IGF1R: variants seen among roughly 807,000 people sequenced by gnomAD.
IGF1R encodes the protein insulin-like growth factor 1 receptor.
A neutral mutation model predicts 144.6 loss-of-function variants in IGF1R; 44 were observed. That is an observed-to-expected ratio of 0.30 (90% confidence interval 0.24 to 0.39). The LOEUF is 0.39. Among genes scored for constraint, IGF1R ranks in the 10% least tolerant of loss-of-function variants. IGF1R has a pLI of 1.00. For synonymous variants in IGF1R, 795 were observed against 722.8 expected, an observed-to-expected ratio of 1.10 and a Z score of -1.60; for missense variants, 1,355 against 1,833.7, an observed-to-expected ratio of 0.74 and a Z score of 4.77.
rs529343912 is a variant in IGF1R, at chr15:98,822,674, C to T, written c.641-68651C>T. Reference sequence around the variant, plus strand: ...CTGAACACACAAAATTAATCGTGCTCGAACTCTCCAAATTTTGTGAGTTCC... The same window carrying T: ...CTGAACACACAAAATTAATCGTGCTTGAACTCTCCAAATTTTGTGAGTTCC... On this transcript the variant is annotated intron_variant, in intron 2 of 20. Coordinates refer to ENST00000650285, the MANE Select transcript of IGF1R (RefSeq NM_000875.5). Among the ~76,000 whole-genome samples the T allele has an allele frequency of 3.9e-5, 6 of 152,214 alleles. No homozygotes were observed. In the East Asian group the frequency reaches 9.7e-4, roughly 25 times the overall value.
chr15:98,657,676 G>T (rs901004160), intron 1 of IGF1R, among the ~76,000 whole-genome samples: 9 of 152,218 alleles, frequency 5.9e-5, no homozygotes, highest in Non-Finnish European at 1.3e-4. Context: ...ATATCGTGTA[G>T]TCGTAGGTAC....
chr15:98,797,605 A>G (rs2056275309), intron 2 of IGF1R, among the ~76,000 whole-genome samples: 1 of 152,106 alleles, frequency 6.6e-6, no homozygotes, highest in Non-Finnish European at 1.5e-5. Flanking sequence ...CCTGCAGGGT[A>G]TGTGTCATCT....
intron 5 of IGF1R, among the ~76,000 whole-genome samples, chr15:98,905,289 A>C (rs1248972661): frequency 6.6e-6 from 1 of 152,170 alleles, no homozygotes; most frequent in African/African-American, 2.4e-5. Flanking sequence ...TTTTTACAAC[A>C]TAGAGAAGGC....
At chr15:98,768,300 G>A (rs1475153942) in intron 2 of IGF1R, among the ~76,000 whole-genome samples, 2 of 152,142 alleles carry the variant, frequency 1.3e-5, no homozygotes, top group Non-Finnish European at 2.9e-5. Flanking sequence ...CATTGTGCAA[G>A]AGGTATCAAA....
rs987303175 is a variant in IGF1R at position 98,922,204 on chromosome 15, G to A, written c.2258G>A (p.Arg753Gln). 1.7e-5 allele frequency: 27 copies of A among 1,614,068 alleles called. No homozygotes were observed. Among genetic ancestry groups the A allele is most frequent in the African/African-American group, 9.3e-5 (7 of 74,924 alleles). Reference protein sequence around the residue: ...MQVANTTMSSRSRNTTAADTY... With the variant: ...MQVANTTMSSQSRNTTAADTY... ...GTGGCCAACACCACCATGTCCAGCC[G>A]AAGCAGGAACACCACGGCCGCAGAC... Residue 753 changes from arginine (R) to glutamine (Q), a missense_variant, in exon 11 of 21, where the codon CGA becomes CAA. Physicochemically the swap from Arg to Gln is conservative, Grantham distance 43. Around this residue, in one of 7 missense-constraint regions of IGF1R, gnomAD observed 880 missense variants for 1,202.7 expected, o/e 0.73. Coordinates refer to ENST00000650285, the MANE Select transcript of IGF1R (RefSeq NM_000875.5).
intron 2 of IGF1R, among the ~76,000 whole-genome samples, chr15:98,812,359 C>T (rs183372066): frequency 0.044 from 6,170 of 140,192 alleles, 181 homozygotes; most frequent in Middle Eastern, 0.11. Flanking sequence ...CTTGAAAAAG[C>T]TTTTTTTTTT....
At chr15:98,810,789 C>T (rs1014550633) in intron 2 of IGF1R, among the ~76,000 whole-genome samples, 4 of 151,278 alleles carry the variant, frequency 2.6e-5, no homozygotes, top group Admixed American at 6.6e-5. Flanking sequence ...ACCTCGTGAT[C>T]CGCCCGCCTC....
intron 2 of IGF1R, among the ~76,000 whole-genome samples, chr15:98,789,407 A>G (rs2056078954): frequency 6.6e-6 from 1 of 152,184 alleles, no homozygotes. Flanking sequence ...TTATGTATGT[A>G]GTATGTTTCA....
intron 1 of IGF1R, among the ~76,000 whole-genome samples, chr15:98,684,720 C>CA (rs1224109879): frequency 1.3e-5 from 2 of 152,040 alleles, no homozygotes; most frequent in Non-Finnish European, 2.9e-5. Flanking sequence ...AGGAGAAAGG[C>CA]AGTCATCGGG....
Position 98,963,081 on chromosome 15 carries a change from A to G in IGF1R, c.*5639A>G, listed in dbSNP as rs766635978. 56 of 233,700 alleles carry G rather than the reference A, an allele frequency of 2.4e-4. No individual in the cohort carries two copies. Among genetic ancestry groups the G allele is most frequent in the Non-Finnish European group, 3.9e-4 (46 of 118,020 alleles). The allele number at this position is 233,700 out of a possible 1,614,324, so 14.5% of individuals were successfully genotyped here. A position where few individuals can be genotyped will look rare whatever the true frequency, so the allele number is the denominator to read the frequency against. On this transcript the variant is annotated 3_prime_UTR_variant, in exon 21 of 21. Transcript: ENST00000650285. ...GTTGACGAAGATCTGGTTTACAAGA[A>G]CTAATTAAATGTTTCATTGCATTTT...
chr15:98,712,663 C>T (rs184474366), intron 2 of IGF1R, among the ~76,000 whole-genome samples: 26 of 151,442 alleles, frequency 1.7e-4, no homozygotes. Context: ...GGCTGGAGTG[C>T]AGTGGTGCGA....
intron 2 of IGF1R, among the ~76,000 whole-genome samples, chr15:98,837,449 C>G (rs778986754): frequency 6.6e-6 from 1 of 152,138 alleles, no homozygotes; most frequent in African/African-American, 2.4e-5. Context: ...ACATGTTGGC[C>G]AGGTTGGTCT....
chr15:98,728,848 G>A (rs2054429169), intron 2 of IGF1R, among the ~76,000 whole-genome samples: 3 of 152,254 alleles, frequency 2.0e-5, no homozygotes, highest in Admixed American at 6.5e-5. Flanking sequence ...GTAGGTGGTA[G>A]TAGAATCAGA....
intron 2 of IGF1R, among the ~76,000 whole-genome samples, chr15:98,784,266 T>C (rs2055934503): frequency 6.6e-6 from 1 of 152,082 alleles, no homozygotes; most frequent in South Asian, 2.1e-4. Flanking sequence ...TAAAAAGTCT[T>C]TTTTCAGCTC....
intron 1 of IGF1R, among the ~76,000 whole-genome samples, chr15:98,690,745 G>A (rs1246093975): frequency 6.6e-6 from 1 of 152,144 alleles, no homozygotes; most frequent in Non-Finnish European, 1.5e-5. Flanking sequence ...CTCCCCGGAA[G>A]GAACTACTGG....
At chr15:98,780,463 C>G (rs1028908596) in intron 2 of IGF1R, among the ~76,000 whole-genome samples, 2 of 144,434 alleles carry the variant, frequency 1.4e-5, no homozygotes, top group Non-Finnish European at 3.0e-5. Context: ...GCAGGAGAAT[C>G]GCTTGAACCC....
At chr15:98,836,671 C>T (rs1220456260) in intron 2 of IGF1R, among the ~76,000 whole-genome samples, 2 of 152,132 alleles carry the variant, frequency 1.3e-5, no homozygotes, top group South Asian at 2.1e-4. Flanking sequence ...CACCAGTTTT[C>T]CCACTAATAT....
chr15:98,794,624 A>G (rs1159772443), intron 2 of IGF1R, among the ~76,000 whole-genome samples: 3 of 152,192 alleles, frequency 2.0e-5, no homozygotes, highest in Admixed American at 6.5e-5. Context: ...TCCATTTCCC[A>G]AGTAATGTGT....
At chr15:98,934,422 G>A (rs2016065163) in intron 15 of IGF1R, among the ~76,000 whole-genome samples, 1 of 152,070 alleles carries the variant, frequency 6.6e-6, no homozygotes, top group Admixed American at 6.6e-5. Flanking sequence ...GTGAAGATGG[G>A]TAAAATCCTG....
Sources: gnomAD v4.1 joint callset for allele counts (sites outside exome capture counted in the v4.1 genomes callset) on GRCh38, gnomAD v4.1.1 for gene constraint, gnomAD v4.1.1 regional missense constraint, MANE v1.5 for transcripts, NCBI Gene and HGNC (gene_info 2026-07-23, HGNC 2026-07-21) for gene names.